The following EAF1 variants were observed in gnomAD, a reference collection of about 807,000 sequenced individuals.
EAF1 encodes the protein ELL-associated factor 1.
A neutral mutation model predicts 26.6 loss-of-function variants in EAF1; 19 were observed. That is an observed-to-expected ratio of 0.71 (90% CI 0.50 to 1.05). EAF1 has a LOEUF of 1.05. EAF1 is among the 50% of genes least tolerant of loss of function. The pLI, the probability that EAF1 is intolerant of heterozygous loss-of-function variation, is 0.00. For missense variants in EAF1, 260 were observed against 335.5 expected (o/e 0.78, Z 1.76); for synonymous variants, 102 against 120.6 (o/e 0.85, Z 1.01).
intron 2 of EAF1, among the ~76,000 whole-genome samples, chr3:15,430,639 C>T (rs559406485): frequency 2.0e-5 from 3 of 152,174 alleles, no homozygotes; most frequent in African/African-American, 7.2e-5. Flanking sequence ...GCCACAACAG[C>T]TCAGGAGTGT....
In EAF1 at chr3:15,436,394, C is replaced by T; in HGVS notation, c.579C>T (p.Ser193=). Residue 193 remains serine, a synonymous_variant, in exon 5 of 6, where the codon AGC becomes AGT. Coordinates refer to ENST00000396842, the MANE Select transcript of EAF1 (RefSeq NM_033083.7). ...IIEQMSSSSG[S]SSSDSESSSG... is the part of the protein sequence containing the mutation. ...AACAAATGAGCAGCAGCAGTGGGAGCAGCTCTTCAGACTCTGAGAGCTCTT... is the reference window on the plus strand; with the variant it reads ...AACAAATGAGCAGCAGCAGTGGGAGTAGCTCTTCAGACTCTGAGAGCTCTT... 2 of 1,613,682 alleles carry T rather than the reference C, an allele frequency of 1.2e-6. No individual in the cohort carries two copies. Among genetic ancestry groups the T allele is most frequent in the Non-Finnish European group, 1.7e-6 (2 of 1,179,656 alleles).
Position 15,432,190 on chromosome 3 carries a change from A to T in EAF1, c.302A>T (p.Lys101Ile), listed in dbSNP as rs1401819510. 4.0e-5 allele frequency: 65 copies of T among 1,613,984 alleles called. No individual in the cohort carries two copies. Among genetic ancestry groups the T allele is most frequent in the Non-Finnish European group, 5.3e-5 (63 of 1,180,002 alleles). ...NHDTGEYVLE[K>I]LSSSIQVKKT... ...GACACTGGTGAATATGTGCTGGAAA[A>T]ACTCAGTAGCAGCATTCAGGTGAAG... is the stretch of plus-strand genomic sequence containing the variant. Residue 101 changes from lysine (K) to isoleucine (I), a missense_variant, in exon 3 of 6, where the codon AAA (lysine) becomes ATA (isoleucine). Physicochemically the swap from Lys to Ile is moderately radical, Grantham distance 102. Coordinates refer to ENST00000396842, the MANE Select transcript of EAF1 (RefSeq NM_033083.7).
rs1024354724 is a variant in EAF1 at position 15,441,282 on chromosome 3, T to G, written c.*2127T>G. ...ACCAGAGTAAGCAATCTTTTCTTTT[T>G]AGAAATCAAGAATTTGGCTTCACAG... On this transcript the variant is annotated 3_prime_UTR_variant, in exon 6 of 6. Coordinates refer to ENST00000396842, the MANE Select transcript of EAF1 (RefSeq NM_033083.7). The G allele has an allele frequency of 5.9e-5, 9 of 153,734 alleles. No homozygotes were observed. Among genetic ancestry groups the G allele is most frequent in the African/African-American group, 2.2e-4 (9 of 41,424 alleles). 9.5% of individuals were successfully genotyped at this position (153,734 alleles called of 1,614,324 possible).
chr3:15,430,032 T>A (rs757448919), intron 2 of EAF1, 25 bp downstream of exon 2: 13 of 1,254,814 alleles, frequency 1.0e-5, no homozygotes, highest in South Asian at 4.0e-5. Flanking sequence ...TTTTTTTTTT[T>A]AATGTAAGAT....
At chr3:15,432,512 T>C (rs145931887) in intron 3 of EAF1, among the ~76,000 whole-genome samples, 8 of 152,354 alleles carry the variant, frequency 5.3e-5, no homozygotes, top group Admixed American at 1.3e-4. Flanking sequence ...ATTGCTACAG[T>C]ACCACCTAAG....
intron 3 of EAF1, among the ~76,000 whole-genome samples, 181 bp downstream of exon 3, chr3:15,432,404 C>G (rs566749545): frequency 2.0e-4 from 30 of 152,160 alleles, no homozygotes; most frequent in African/African-American, 7.2e-4. Context: ...TCCTCAAATG[C>G]AATAAAAAGA....
At chr3:15,435,525 T>A (rs761496865) in intron 4 of EAF1, among the ~76,000 whole-genome samples, 1 of 152,238 alleles carries the variant, frequency 6.6e-6, no homozygotes, top group Non-Finnish European at 1.5e-5. Context: ...AAGTTTTCAC[T>A]TAGGTTGAAT....
intron 5 of EAF1, 44 bp downstream of exon 5, chr3:15,436,619 G>A (rs762018282): frequency 6.3e-6 from 9 of 1,437,536 alleles, no homozygotes; most frequent in African/African-American, 1.4e-5. Flanking sequence ...GGCCATAGGT[G>A]CAGCTTCTAT....
chr3:15,431,385 T>C (rs1252638634), intron 2 of EAF1, among the ~76,000 whole-genome samples: 4 of 152,152 alleles, frequency 2.6e-5, no homozygotes, highest in Non-Finnish European at 2.9e-5. Context: ...GGGCAGGATA[T>C]AGCTGGCAGA....
At chr3:15,430,262 C>T (rs1332710599) in intron 2 of EAF1, among the ~76,000 whole-genome samples, 1 of 151,718 alleles carries the variant, frequency 6.6e-6, no homozygotes, top group Non-Finnish European at 1.5e-5. Context: ...AGTTAAAGAC[C>T]AGCCTGGGCA....
intron 5 of EAF1, among the ~76,000 whole-genome samples, chr3:15,437,598 A>C (rs1158181443): frequency 6.6e-6 from 1 of 152,210 alleles, no homozygotes; most frequent in Non-Finnish European, 1.5e-5. Context: ...GTGTGTTTTA[A>C]TGCAGTTGAT....
chr3:15,428,672 A>G (rs2061776003), intron 1 of EAF1, among the ~76,000 whole-genome samples: 1 of 152,198 alleles, frequency 6.6e-6, no homozygotes, highest in Admixed American at 6.5e-5. Flanking sequence ...CTACATAATT[A>G]TAGACGCTGT....
Position 15,427,715 on chromosome 3 carries a change from C to T in EAF1, c.-65C>T, listed in dbSNP as rs372055507. 8.6e-6 allele frequency: 13 copies of T among 1,503,860 alleles called. No homozygotes were observed. The South Asian group carries it at 1.1e-4, about 13-fold the overall frequency. The allele number at this position is 1,503,860 out of a possible 1,614,324, so 93.2% of individuals were successfully genotyped here. On this transcript the variant is annotated 5_prime_UTR_variant, in exon 1 of 6. Transcript: ENST00000396842. The stretch of plus-strand genomic sequence containing the variant: ...AGCACAGTCCTCCCAGACGCCAGCG[C>T]CAGAAGCTCGGATCGCGGCTGCACC...
In EAF1 at chr3:15,440,241, T is replaced by C. The variant is rs1443299230; in HGVS notation, c.*1086T>C. 1 of 152,204 alleles carries C rather than the reference T, an allele frequency of 6.6e-6. No individual in the cohort carries two copies. The highest frequency in any genetic ancestry group is 1.5e-5 in the Non-Finnish European group (1 of 68,050). The allele number at this position is 152,204 out of a possible 1,614,324, so 9.4% of individuals were successfully genotyped here. A position where few individuals can be genotyped will look rare whatever the true frequency, so the allele number is the denominator to read the frequency against. ...TTGATAAGGCGTATCTATTCATGCT[T>C]TTGTACCACTGTTTTGTACCTGACT... On this transcript the variant is annotated 3_prime_UTR_variant, in exon 6 of 6. Coordinates refer to ENST00000396842, the MANE Select transcript of EAF1 (RefSeq NM_033083.7).
intron 2 of EAF1, 72 bp from the exon 3 acceptor site, chr3:15,432,015 C>T: frequency 1.3e-6 from 2 of 1,489,382 alleles, no homozygotes; most frequent in Non-Finnish European, 1.8e-6. Flanking sequence ...CAGGTGGAGT[C>T]ATCTATAAAT....
intron 3 of EAF1, among the ~76,000 whole-genome samples, chr3:15,433,778 CAT>C (rs2061817132): frequency 6.6e-6 from 1 of 152,212 alleles, no homozygotes; most frequent in African/African-American, 2.4e-5. Context: ...TAGTGACCTA[CAT>C]ATATGACAGT....
rs529399274 is a variant in EAF1 at position 15,429,948 on chromosome 3, G to A, written c.139G>A (p.Glu47Lys). ...FKPASIDTSC[E>K]GELQVGKGDE... is the part of the protein sequence containing the mutation. ...ACCAGCATCTATAGACACTTCCTGTGAAGGAGAGCTTCAAGTTGGCAAAGG... is the reference window on the plus strand; with the variant it reads ...ACCAGCATCTATAGACACTTCCTGTAAAGGAGAGCTTCAAGTTGGCAAAGG... The change falls in exon 2 of 6, where the codon GAA (glutamate) becomes AAA (lysine). Residue 47 changes from glutamate (E) to lysine (K), a missense_variant. Coordinates refer to ENST00000396842, the MANE Select transcript of EAF1 (RefSeq NM_033083.7). 6.2e-7 allele frequency: 1 copy of A among 1,613,386 alleles called. No homozygotes were observed. The highest frequency in any genetic ancestry group is 2.2e-5 in the East Asian group (1 of 44,812).
At chr3:15,438,924 TA>T in intron 5 of EAF1, 184 bp from the exon 6 acceptor site, 1 of 599,134 alleles carries the variant, frequency 1.7e-6, no homozygotes, top group Non-Finnish European at 2.9e-6. Context: ...TTGTGCTTTG[TA>T]GATAACCAAA....
Position 15,430,011 on chromosome 3 carries a change from AGTTT to A in EAF1, c.198+5_198+8del, listed in dbSNP as rs1376767557. On this transcript the variant is annotated splice_donor_5th_base_variant and intron_variant, in intron 2 of 5. Coordinates refer to ENST00000396842, the MANE Select transcript of EAF1 (RefSeq NM_033083.7). ...AATTACACTGCCACATATCCCTGTG[AGTTT>A]ATTTCATTTTTTTTTTTAATGTAAG... 1.3e-6 allele frequency: 2 copies of A among 1,559,768 alleles called. No homozygotes were observed.
Sources: gnomAD v4.1 joint callset for allele counts (sites outside exome capture counted in the v4.1 genomes callset) on GRCh38, gnomAD v4.1.1 for gene constraint, MANE v1.5 for transcripts, NCBI Gene and HGNC (gene_info 2026-07-23, HGNC 2026-07-21) for gene names.